PTPN1: variants seen among roughly 807,000 people sequenced by gnomAD.
PTPN1 encodes tyrosine-protein phosphatase non-receptor type 1.
In PTPN1, 12 loss-of-function variants were observed where a neutral mutation model predicts 59.9. That is an observed-to-expected ratio of 0.20 (90% CI 0.13 to 0.32). The LOEUF is 0.32. PTPN1 is among the 10% of genes least tolerant of loss of function. The pLI is 1.00. For synonymous variants in PTPN1, 178 were observed against 203.6 expected, an observed-to-expected ratio of 0.87 and a Z score of 1.07; for missense variants, 356 against 549.2, an observed-to-expected ratio of 0.65 and a Z score of 3.52.
chr20:50,584,635 G>C lies in PTPN1; in HGVS notation c.*1920G>C, dbSNP rs745701283. The C allele has an allele frequency of 7.0e-6, 1 of 143,018 alleles. No homozygotes were observed. The highest frequency in any genetic ancestry group is 6.9e-5 in the Admixed American group (1 of 14,502). The allele number at this position is 143,018 out of a possible 1,614,324, so 8.9% of individuals were successfully genotyped here. A position where few individuals can be genotyped will look rare whatever the true frequency, so the allele number is the denominator to read the frequency against. ...CGTGGCTGCATGACCGGGTGGGTGGGGGGGAGTGTCTCAGGGTCTTCTGTG... is the reference window on the plus strand; with the variant it reads ...CGTGGCTGCATGACCGGGTGGGTGGCGGGGAGTGTCTCAGGGTCTTCTGTG... On this transcript the variant is annotated 3_prime_UTR_variant, in exon 10 of 10. Transcript: ENST00000371621.
chr20:50,580,516 A>C (rs1437257356), intron 8 of PTPN1, among the ~76,000 whole-genome samples: 1 of 152,154 alleles, frequency 6.6e-6, no homozygotes, highest in Non-Finnish European at 1.5e-5. Flanking sequence ...CAGTGATGTG[A>C]TAGAGGTGTC....
intron 1 of PTPN1, among the ~76,000 whole-genome samples, chr20:50,550,902 G>A (rs929323780): frequency 6.6e-6 from 1 of 152,222 alleles, no homozygotes; most frequent in Non-Finnish European, 1.5e-5. Context: ...GGAGAAGGGT[G>A]TTAAACCCAG....
chr20:50,529,627 T>C (rs2082592121), intron 1 of PTPN1, among the ~76,000 whole-genome samples: 1 of 152,190 alleles, frequency 6.6e-6, no homozygotes, highest in South Asian at 2.1e-4. Flanking sequence ...TATATTATCC[T>C]TAGTTCAGCC....
chr20:50,582,835 C>A lies in PTPN1; in HGVS notation c.*120C>A. ...CCGGACCGCGTAGAGAGCCGGGCCC[C>A]GGACGGACGTTGGTTCTGCACTAAA... On this transcript the variant is annotated 3_prime_UTR_variant, in exon 10 of 10. Transcript: ENST00000371621. The surrounding 1 kb of genome is among the most constrained non-coding windows in gnomAD (Gnocchi z 4.2). The A allele has an allele frequency of 8.0e-7, 1 of 1,256,450 alleles. No individual in the cohort carries two copies. Among genetic ancestry groups the A allele is most frequent in the South Asian group, 1.3e-5 (1 of 77,922 alleles). 77.8% of individuals were successfully genotyped at this position (1,256,450 alleles called of 1,614,324 possible). A position where few individuals can be genotyped will look rare whatever the true frequency, so the allele number is the denominator to read the frequency against.
intron 1 of PTPN1, among the ~76,000 whole-genome samples, chr20:50,528,967 A>G (rs192038510): frequency 6.6e-6 from 1 of 152,134 alleles, no homozygotes; most frequent in African/African-American, 2.4e-5. Flanking sequence ...TTTTCCCCCC[A>G]TGAGATTGTA....
chr20:50,579,308 C>G lies in PTPN1; in HGVS notation c.843C>G (p.Ile281Met). ...YLAVIEGAKF[I>M]MGDSSVQDQW... ...CTGTGATCGAAGGTGCCAAATTCAT[C>G]ATGGGGGACTCTTCCGTGCAGGTCA... is the stretch of plus-strand genomic sequence containing the variant. Residue 281 changes from isoleucine (I) to methionine (M), a missense_variant, in exon 7 of 10, where the codon ATC becomes ATG. By Grantham distance (10) the Ile-to-Met change is conservative. Transcript: ENST00000371621. 6.2e-7 allele frequency: 1 copy of G among 1,614,234 alleles called. No homozygotes were observed. Among genetic ancestry groups the G allele is most frequent in the African/African-American group, 1.3e-5 (1 of 75,064 alleles).
intron 1 of PTPN1, among the ~76,000 whole-genome samples, chr20:50,558,554 T>C (rs1277660573): frequency 1.3e-5 from 2 of 152,360 alleles, no homozygotes; most frequent in Middle Eastern, 3.4e-3. Flanking sequence ...AAGTTTTTCC[T>C]TGGAGACATC....
At chr20:50,518,512 A>G (rs1467289890) in intron 1 of PTPN1, among the ~76,000 whole-genome samples, 1 of 152,246 alleles carries the variant, frequency 6.6e-6, no homozygotes, top group Non-Finnish European at 1.5e-5. Context: ...ATACGCCTTC[A>G]CTGAGTCATA....
chr20:50,539,887 T>A (rs967916309), intron 1 of PTPN1, among the ~76,000 whole-genome samples: 6 of 152,020 alleles, frequency 3.9e-5, no homozygotes, highest in Non-Finnish European at 8.8e-5. Context: ...TTTAAATCTT[T>A]TTTTTTTAAT....
At position 50,582,721 on chromosome 20, in the gene PTPN1, C is replaced by A. The variant is rs762914897; in HGVS notation, c.*6C>A. ...TGTTCAACAGCAACACATAGCCTGA[C>A]CCTCCTCCACTCCACCTCCACCCAC... On this transcript the variant is annotated 3_prime_UTR_variant, in exon 10 of 10. Coordinates refer to ENST00000371621, the MANE Select transcript of PTPN1 (RefSeq NM_002827.4). This position sits in a 1 kb window ranked among gnomAD's most constrained non-coding sequence, Gnocchi z 4.2. 1 of 1,613,768 alleles carries A rather than the reference C, an allele frequency of 6.2e-7. No individual in the cohort carries two copies. The highest frequency in any genetic ancestry group is 1.1e-5 in the South Asian group (1 of 90,948).
Position 50,510,423 on chromosome 20 carries a change from G to C in PTPN1, c.-105G>C. On this transcript the variant is annotated 5_prime_UTR_variant, in exon 1 of 10. Transcript: ENST00000371621. Reference sequence around the variant, plus strand: ...CGGCTAGGGCGGCGGTAGCTGCAGGGGTCGGGGATTGCAGCGGGCCTCGGG... The same window carrying C: ...CGGCTAGGGCGGCGGTAGCTGCAGGCGTCGGGGATTGCAGCGGGCCTCGGG... The C allele has an allele frequency of 7.9e-7, 1 of 1,272,638 alleles. No homozygotes were observed. Among genetic ancestry groups the C allele is most frequent in the African/African-American group, 1.5e-5 (1 of 65,102 alleles). The allele number at this position is 1,272,638 out of a possible 1,614,324, so 78.8% of individuals were successfully genotyped here.
chr20:50,521,238 G>T (rs959845613), intron 1 of PTPN1, among the ~76,000 whole-genome samples: 1 of 152,176 alleles, frequency 6.6e-6, no homozygotes, highest in Non-Finnish European at 1.5e-5. Flanking sequence ...AGGAATGTTG[G>T]ATTTTGTAAT....
intron 1 of PTPN1, among the ~76,000 whole-genome samples, chr20:50,536,936 A>G (rs1414488601): frequency 6.6e-6 from 1 of 152,246 alleles, no homozygotes; most frequent in African/African-American, 2.4e-5. Flanking sequence ...ACTGCAGCTT[A>G]TAAGCACTCT....
chr20:50,548,221 A>C (rs2082684440), intron 1 of PTPN1, among the ~76,000 whole-genome samples: 2 of 152,070 alleles, frequency 1.3e-5, no homozygotes, highest in South Asian at 2.1e-4. Context: ...TCATGCTTTG[A>C]CTGGGCTTAG....
chr20:50,577,916 G>A (rs1192801738), intron 5 of PTPN1: 1 of 157,984 alleles, frequency 6.3e-6, no homozygotes, highest in African/African-American at 2.4e-5. Flanking sequence ...ACCAGTCTTT[G>A]GAGACCAAGT....
chr20:50,555,696 A>G (rs1456630809), intron 1 of PTPN1, among the ~76,000 whole-genome samples: 1 of 151,688 alleles, frequency 6.6e-6, no homozygotes, highest in South Asian at 2.1e-4. Context: ...ATTAAATGAC[A>G]TCTCCACGTT....
intron 8 of PTPN1, 62 bp from the exon 9 acceptor site, chr20:50,581,203 A>G: frequency 6.5e-7 from 1 of 1,526,946 alleles, no homozygotes; most frequent in African/African-American, 1.4e-5. Context: ...CCACAATAGC[A>G]GCATCCTTGC....
intron 1 of PTPN1, among the ~76,000 whole-genome samples, chr20:50,533,551 A>G (rs1242507159): frequency 6.6e-6 from 1 of 151,860 alleles, no homozygotes; most frequent in Non-Finnish European, 1.5e-5. Context: ...GAAGATGCAG[A>G]CTAAGGGATT....
chr20:50,584,490 A>G lies in PTPN1; in HGVS notation c.*1775A>G, dbSNP rs1380580989. 6.6e-6 allele frequency: 1 copy of G among 152,626 alleles called. No individual in the cohort carries two copies. The highest frequency in any genetic ancestry group is 2.4e-5 in the African/African-American group (1 of 41,440). The allele number at this position is 152,626 out of a possible 1,614,324, so 9.5% of individuals were successfully genotyped here. On this transcript the variant is annotated 3_prime_UTR_variant, in exon 10 of 10. Coordinates refer to ENST00000371621, the MANE Select transcript of PTPN1 (RefSeq NM_002827.4). ...GCTGCTCTGCTATATGCCTTAAGCC[A>G]ATATTTACTCATCAGGTCATTATTT...
Sources: gnomAD v4.1 joint callset for allele counts (sites outside exome capture counted in the v4.1 genomes callset) on GRCh38, gnomAD v4.1.1 for gene constraint, Gnocchi (gnomAD v3.1) non-coding constraint, MANE v1.5 for transcripts, NCBI Gene and HGNC (gene_info 2026-07-23, HGNC 2026-07-21) for gene names.